Variants in IPMK observed in about 807,000 individuals in gnomAD.
IPMK encodes the protein inositol polyphosphate multikinase.
Under a neutral mutation model 45.8 loss-of-function variants are expected in IPMK, and 17 were observed. The observed-to-expected ratio is 0.37, with a 90% CI of 0.25 to 0.56. The LOEUF (loss-of-function observed/expected upper bound fraction) is 0.56, where lower values mean the gene tolerates loss of function less well. Ranked by LOEUF, IPMK falls within the 20% of genes least tolerant of loss-of-function variation. The pLI is 0.79. For synonymous variants in IPMK, 180 were observed against 184.3 expected (o/e 0.98, Z 0.19); for missense variants, 399 against 498.0 (o/e 0.80, Z 1.89).
At chr10:58,240,238 C>T (rs1303508531) in intron 1 of IPMK, among the ~76,000 whole-genome samples, 1 of 151,848 alleles carries the variant, frequency 6.6e-6, no homozygotes, top group South Asian at 2.1e-4. Context: ...TGAAAAGGCA[C>T]AGTATCTGAA....
At chr10:58,247,626 A>G (rs1838821644) in intron 1 of IPMK, among the ~76,000 whole-genome samples, 1 of 152,080 alleles carries the variant, frequency 6.6e-6, no homozygotes, top group African/African-American at 2.4e-5. Flanking sequence ...GGACACAGGA[A>G]GGGGAACATC....
chr10:58,204,891 C>T (rs1458167745), intron 4 of IPMK, among the ~76,000 whole-genome samples: 1 of 152,130 alleles, frequency 6.6e-6, no homozygotes, highest in African/African-American at 2.4e-5. Flanking sequence ...CAGTGTAGTA[C>T]TTGGCATAAG....
chr10:58,242,707 G>T (rs971694185), intron 1 of IPMK, among the ~76,000 whole-genome samples: 4 of 152,130 alleles, frequency 2.6e-5, no homozygotes, highest in Non-Finnish European at 4.4e-5. Flanking sequence ...GAAATCAGAA[G>T]AAAGCATCCC....
intron 1 of IPMK, among the ~76,000 whole-genome samples, chr10:58,244,124 C>T (rs1321586988): frequency 6.6e-6 from 1 of 150,388 alleles, no homozygotes; most frequent in Non-Finnish European, 1.5e-5. Context: ...GGCGCCTCTG[C>T]CTGGCCACCC....
chr10:58,243,083 G>A (rs1171529282), intron 1 of IPMK, among the ~76,000 whole-genome samples: 8 of 152,000 alleles, frequency 5.3e-5, no homozygotes, highest in Non-Finnish European at 7.4e-5. Context: ...CATAAATTAC[G>A]TCTCAGGTAG....
chr10:58,239,877 T>C (rs951721802), intron 1 of IPMK, among the ~76,000 whole-genome samples: 2 of 152,072 alleles, frequency 1.3e-5, no homozygotes, highest in Non-Finnish European at 2.9e-5. Flanking sequence ...TAGCACTAGC[T>C]CAACTAAACT....
intron 1 of IPMK, among the ~76,000 whole-genome samples, chr10:58,248,348 T>A (rs965046512): frequency 6.6e-6 from 1 of 152,178 alleles, no homozygotes. Context: ...ATGTTGTATA[T>A]TCAGCAGGAT....
At chr10:58,251,324 T>C (rs1020501706) in intron 1 of IPMK, among the ~76,000 whole-genome samples, 1 of 152,222 alleles carries the variant, frequency 6.6e-6, no homozygotes, top group African/African-American at 2.4e-5. Context: ...ATATCGTTTC[T>C]GGGTTTATTC....
At chr10:58,196,825 C>T in intron 5 of IPMK, 127 bp from the exon 6 acceptor site, 3 of 682,264 alleles carry the variant, frequency 4.4e-6, no homozygotes, top group Non-Finnish European at 7.2e-6. Context: ...ACAGTTAATC[C>T]TAGAATTCTA....
At chr10:58,216,946 G>A (rs1838252741) in intron 3 of IPMK, among the ~76,000 whole-genome samples, 1 of 152,106 alleles carries the variant, frequency 6.6e-6, no homozygotes, top group African/African-American at 2.4e-5. Context: ...CGCCTCCCAG[G>A]ATCAAGCAAT....
At chr10:58,246,768 T>G (rs1233132444) in intron 1 of IPMK, among the ~76,000 whole-genome samples, 1 of 151,896 alleles carries the variant, frequency 6.6e-6, no homozygotes, top group Admixed American at 6.6e-5. Context: ...TCTAAAACAC[T>G]AAAAGCAATG....
Position 58,212,297 on chromosome 10 carries a change from G to A in IPMK, c.546+3848C>T, listed in dbSNP as rs183790528. Among the ~76,000 whole-genome samples, 30 of 152,256 alleles carry A rather than the reference G, an allele frequency of 2.0e-4. No homozygotes were observed. The South Asian group carries it at 2.9e-3, about 15-fold the overall frequency. On this transcript the variant is annotated intron_variant, in intron 4 of 5. Coordinates refer to ENST00000373935, the MANE Select transcript of IPMK (RefSeq NM_152230.5). ...TACAAGATGGATTTAGTTTAAATAT[G>A]TATTAAAGTAAAAGGTATTCTATCA...
intron 4 of IPMK, among the ~76,000 whole-genome samples, chr10:58,211,326 G>A (rs1411042914): frequency 2.0e-5 from 3 of 151,814 alleles, no homozygotes; most frequent in Non-Finnish European, 4.4e-5. Flanking sequence ...CGAGTAGCTG[G>A]GATTACAGGC....
At chr10:58,197,978 C>T (rs1307630389) in intron 5 of IPMK, among the ~76,000 whole-genome samples, 4 of 152,020 alleles carry the variant, frequency 2.6e-5, no homozygotes, top group Admixed American at 2.0e-4. Flanking sequence ...TGCAGTGAGC[C>T]GAGATCGTGC....
rs1837840043 is a variant in IPMK, at chr10:58,193,088, T to C, written c.*2988A>G. The C allele has an allele frequency of 6.6e-6, 1 of 151,994 alleles. No homozygotes were observed. The highest frequency in any genetic ancestry group is 2.1e-4 in the South Asian group (1 of 4,834). 9.4% of individuals were successfully genotyped at this position (151,994 alleles called of 1,614,324 possible). On this transcript the variant is annotated 3_prime_UTR_variant, in exon 6 of 6. Coordinates refer to ENST00000373935, the MANE Select transcript of IPMK (RefSeq NM_152230.5). ...TTCTATCGTTTTCTTTCATCCTACA[T>C]CTTCTATAATATTCCAACCCCTAGA... is the stretch of plus-strand genomic sequence containing the variant.
At chr10:58,238,186 A>G (rs1400430721) in intron 1 of IPMK, among the ~76,000 whole-genome samples, 1 of 152,232 alleles carries the variant, frequency 6.6e-6, no homozygotes, top group Admixed American at 6.5e-5. Context: ...AATTGACCCC[A>G]CTTTTAAAAC....
intron 1 of IPMK, among the ~76,000 whole-genome samples, chr10:58,239,800 A>G (rs968660693): frequency 3.9e-5 from 6 of 152,170 alleles, no homozygotes; most frequent in Admixed American, 1.3e-4. Flanking sequence ...AAAACTGTCA[A>G]GATAAAAAAG....
intron 1 of IPMK, among the ~76,000 whole-genome samples, chr10:58,248,755 T>C (rs1466242452): frequency 1.3e-5 from 2 of 152,192 alleles, no homozygotes; most frequent in Non-Finnish European, 2.9e-5. Flanking sequence ...ATGAGATCAA[T>C]GTTTTTAGCT....
chr10:58,199,186 TTTAGAAG>T, intron 5 of IPMK, 47 bp downstream of exon 5: 1 of 1,082,916 alleles, frequency 9.2e-7, no homozygotes, highest in Non-Finnish European at 1.4e-6. Flanking sequence ...CTGAAATAAC[TTTAGAAG>T]TCTTTTAACT....
Sources: allele counts gnomAD v4.1 joint callset (sites outside exome capture counted in the v4.1 genomes callset), GRCh38; gene constraint gnomAD v4.1.1; transcripts MANE v1.5; gene names NCBI Gene and HGNC (gene_info 2026-07-23, HGNC 2026-07-21).